The following DGKG variants were observed in gnomAD, a reference collection of about 807,000 sequenced individuals.
DGKG encodes DAG kinase gamma.
DGKG carries 78 observed loss-of-function variants against 105.3 expected under a neutral mutation model. The observed-to-expected ratio is 0.74, with a 90% CI of 0.62 to 0.89. The LOEUF (loss-of-function observed/expected upper bound fraction) is 0.89, where lower values mean the gene tolerates loss of function less well. Among genes scored for constraint, DGKG ranks in the 40% least tolerant of loss-of-function variants. DGKG has a pLI of 0.00. For synonymous variants in DGKG, 346 were observed against 367.1 expected, an observed-to-expected ratio of 0.94 and a Z score of 0.66; for missense variants, 958 against 1,020.1, an observed-to-expected ratio of 0.94 and a Z score of 0.83.
At chr3:186,221,062 C>G (rs887936452) in intron 20 of DGKG, among the ~76,000 whole-genome samples, 1 of 152,220 alleles carries the variant, frequency 6.6e-6, no homozygotes, top group Non-Finnish European at 1.5e-5. Context: ...AGAAGGCTTC[C>G]CTGAGACTCA....
chr3:186,294,789 C>T (rs1406815020), intron 5 of DGKG, among the ~76,000 whole-genome samples: 13 of 152,108 alleles, frequency 8.5e-5, no homozygotes, highest in Non-Finnish European at 1.5e-4. Flanking sequence ...CTGTGCCTTA[C>T]GTCCATTTCA....
intron 20 of DGKG, among the ~76,000 whole-genome samples, chr3:186,218,663 G>A (rs553255942): frequency 1.9e-4 from 29 of 152,170 alleles, no homozygotes; most frequent in Admixed American, 7.9e-4. Context: ...CCCAAGTATT[G>A]TCAGAACTGA....
rs942330060 is a variant in DGKG at position 186,320,471 on chromosome 3, A to T, written c.-12T>A. Reference sequence around the variant, plus strand: ...CGTTCTTCACCCATTTTTAAACTTTATGTGAGTGGCTAAAGGGCAGTGATG... The same window carrying T: ...CGTTCTTCACCCATTTTTAAACTTTTTGTGAGTGGCTAAAGGGCAGTGATG... On this transcript the variant is annotated 5_prime_UTR_variant, in exon 2 of 25. Transcript: ENST00000265022. 1 of 1,614,024 alleles carries T rather than the reference A, an allele frequency of 6.2e-7. No individual in the cohort carries two copies. Among genetic ancestry groups the T allele is most frequent in the Admixed American group, 1.7e-5 (1 of 59,996 alleles).
rs771220995 is a variant in DGKG, at chr3:186,149,879, C to G, written c.*211G>C. ...GTCCATTCAAAATGTTTTGTTGGCA[C>G]TGGCTCTGTTAGGGGTGTACCCACT... On this transcript the variant is annotated 3_prime_UTR_variant, in exon 25 of 25. Transcript: ENST00000265022. 2 of 1,328,928 alleles carry G rather than the reference C, an allele frequency of 1.5e-6. No individual in the cohort carries two copies. The highest frequency in any genetic ancestry group is 1.9e-6 in the Non-Finnish European group (2 of 1,041,266). The allele number at this position is 1,328,928 out of a possible 1,614,324, so 82.3% of individuals were successfully genotyped here. A position where few individuals can be genotyped will look rare whatever the true frequency, so the allele number is the denominator to read the frequency against.
At position 186,321,342 on chromosome 3, in the gene DGKG, T is replaced by C. The variant is rs543162530; in HGVS notation, c.-248-635A>G. Among the ~76,000 whole-genome samples the C allele has an allele frequency of 2.6e-5, 4 of 152,300 alleles. No individual in the cohort carries two copies. The East Asian group carries it at 7.7e-4, about 29-fold the overall frequency. ...TTGATGTAATGAGTCACAACAAGCA[T>C]GTAAACACATGAAATGGAATAGGGT... On this transcript the variant is annotated intron_variant, in intron 1 of 24. Transcript: ENST00000265022.
At chr3:186,160,229 G>A (rs1716230085) in intron 24 of DGKG, 11 of 985,428 alleles carry the variant, frequency 1.1e-5, no homozygotes, top group Non-Finnish European at 1.3e-5. Context: ...GGCATAGGGA[G>A]AAGCATTTGG....
Position 186,196,626 on chromosome 3 carries a change from G to A in DGKG, c.1918-8247C>T, listed in dbSNP as rs577375425. ...AATTAGACCTGTGATTGTTTGGACC[G>A]ACAACCAAGAAGCCATGAGTAACTT... On this transcript the variant is annotated intron_variant, in intron 21 of 24. Coordinates refer to ENST00000265022, the MANE Select transcript of DGKG (RefSeq NM_001346.3). 5.9e-5 allele frequency among the ~76,000 whole-genome samples: 9 copies of A among 152,304 alleles called. No individual in the cohort carries two copies. In the East Asian group the frequency reaches 1.5e-3, roughly 26 times the overall value.
chr3:186,344,077 A>C (rs932527046), intron 1 of DGKG, among the ~76,000 whole-genome samples: 3 of 152,240 alleles, frequency 2.0e-5, no homozygotes, highest in Non-Finnish European at 4.4e-5. Flanking sequence ...AAGTTCAAAA[A>C]AACCAAAACA....
rs1348567977 is a variant in DGKG at position 186,188,373 on chromosome 3, C to T, written c.1924G>A (p.Gly642Arg). 1.3e-5 allele frequency: 21 copies of T among 1,613,904 alleles called. No individual in the cohort carries two copies. Among genetic ancestry groups the T allele is most frequent in the Non-Finnish European group, 1.5e-5 (18 of 1,180,008 alleles). Residue 642 changes from glycine to arginine, a missense_variant, in exon 22 of 25, where the codon GGG (glycine) becomes AGG (arginine). By Grantham distance (125) the Gly-to-Arg change is moderately radical. Around this residue, in one of 2 missense-constraint regions of DGKG, gnomAD observed 315 missense variants for 400.6 expected, o/e 0.79. Coordinates refer to ENST00000265022, the MANE Select transcript of DGKG (RefSeq NM_001346.3). ...ATGTTGCTCAGGTCCACCCCAACCC[C>T]ATCACACTGGAGGACGGAGAGAAAA... is the stretch of plus-strand genomic sequence containing the variant. ...LHDHIELECD[G>R]VGVDLSNIFL...
At chr3:186,257,486 G>A (rs1031430322) in intron 17 of DGKG, among the ~76,000 whole-genome samples, 1 of 152,172 alleles carries the variant, frequency 6.6e-6, no homozygotes, top group African/African-American at 2.4e-5. Context: ...CCCAGGCTAT[G>A]ATCTATGCTT....
At chr3:186,347,846 G>A (rs1483804728) in intron 1 of DGKG, among the ~76,000 whole-genome samples, 1 of 152,122 alleles carries the variant, frequency 6.6e-6, no homozygotes, top group East Asian at 1.9e-4. Flanking sequence ...GCCTCCTGAA[G>A]CGCTGGGATT....
chr3:186,355,554 C>T (rs1726905923), intron 1 of DGKG, among the ~76,000 whole-genome samples: 1 of 151,622 alleles, frequency 6.6e-6, no homozygotes, highest in African/African-American at 2.4e-5. Flanking sequence ...TCACCACCAC[C>T]ACCACCTTAC....
At position 186,238,615 on chromosome 3, in the gene DGKG, C is replaced by T. The variant is rs1364871800; in HGVS notation, c.1826+3889G>A. ...CAAATTTCTCTTTTGTTCTTTATGC[C>T]AACAGTGAGACGATAATCTCCCTAA... On this transcript the variant is annotated intron_variant, in intron 20 of 24. Coordinates refer to ENST00000265022, the MANE Select transcript of DGKG (RefSeq NM_001346.3). Among the ~76,000 whole-genome samples, 128 of 152,172 alleles carry T rather than the reference C, an allele frequency of 8.4e-4. 2 individuals are homozygous for T. Among genetic ancestry groups the T allele is most frequent in the Admixed American group, 8.4e-3 (128 of 15,288 alleles).
chr3:186,357,930 G>C (rs1453270487), intron 1 of DGKG, among the ~76,000 whole-genome samples: 1 of 152,216 alleles, frequency 6.6e-6, no homozygotes, highest in Non-Finnish European at 1.5e-5. Flanking sequence ...TGGTGTGACC[G>C]AGGAACTGAA....
At chr3:186,205,254 T>C (rs1482782724) in intron 21 of DGKG, among the ~76,000 whole-genome samples, 1 of 102,248 alleles carries the variant, frequency 9.8e-6, no homozygotes, top group East Asian at 2.4e-4. Context: ...CAAAACTCCT[T>C]CTCAAAAAAA....
chr3:186,287,393 CACA>C (rs1403010049), intron 6 of DGKG, among the ~76,000 whole-genome samples: 2 of 152,186 alleles, frequency 1.3e-5, no homozygotes, highest in African/African-American at 4.8e-5. Flanking sequence ...GAAGTATAAA[CACA>C]ACAAGATTGA....
chr3:186,352,829 T>G (rs1726698726), intron 1 of DGKG, among the ~76,000 whole-genome samples: 1 of 152,166 alleles, frequency 6.6e-6, no homozygotes, highest in African/African-American at 2.4e-5. Context: ...GACAGCAGCC[T>G]GAGGGGTTGC....
chr3:186,242,277 C>G (rs1027455863), intron 20 of DGKG, among the ~76,000 whole-genome samples: 1 of 152,244 alleles, frequency 6.6e-6, no homozygotes, highest in South Asian at 2.1e-4. Flanking sequence ...TGCCCTCCAG[C>G]CCTGCCCTCT....
chr3:186,224,144 G>T (rs1461080144), intron 20 of DGKG, among the ~76,000 whole-genome samples: 1 of 152,176 alleles, frequency 6.6e-6, no homozygotes, highest in Non-Finnish European at 1.5e-5. Context: ...TCATTTTAAA[G>T]CTCTTCTGTT....
Sources: allele counts gnomAD v4.1 joint callset (sites outside exome capture counted in the v4.1 genomes callset), GRCh38; gene constraint gnomAD v4.1.1; regional missense constraint gnomAD v4.1.1; transcripts MANE v1.5; gene names NCBI Gene and HGNC (gene_info 2026-07-23, HGNC 2026-07-21).